Variants in PTPRD observed in about 807,000 individuals in gnomAD.
The protein encoded by PTPRD is receptor-type tyrosine-protein phosphatase delta.
PTPRD carries 34 observed loss-of-function variants against 214.5 expected under a neutral mutation model. The observed-to-expected ratio is 0.16, with a 90% CI of 0.12 to 0.21. The LOEUF is 0.21. PTPRD is among the 10% of genes least tolerant of loss of function. The pLI is 1.00. For synonymous variants in PTPRD, 1,128 were observed against 845.7 expected (o/e 1.33, Z -5.79); for missense variants, 2,545 against 2,398.7 (o/e 1.06, Z -1.27).
chr9:9,985,167 G>A (rs192553934), intron 4 of PTPRD, among the ~76,000 whole-genome samples: 2 of 152,220 alleles, frequency 1.3e-5, no homozygotes, highest in South Asian at 2.1e-4. Context: ...TTACAACTAC[G>A]TCTTCTCCAA....
chr9:8,707,759 A>G (rs186719139), intron 12 of PTPRD, among the ~76,000 whole-genome samples: 1 of 152,332 alleles, frequency 6.6e-6, no homozygotes, highest in East Asian at 1.9e-4. Flanking sequence ...ATAATCTATT[A>G]TTGTCTACAA....
At chr9:10,405,493 A>G (rs1278014049) in intron 2 of PTPRD, among the ~76,000 whole-genome samples, 3 of 149,418 alleles carry the variant, frequency 2.0e-5, no homozygotes, top group Non-Finnish European at 4.5e-5. Flanking sequence ...CCACAGTACA[A>G]CATATATAGA....
chr9:8,677,296 A>G (rs1237708046), intron 12 of PTPRD, among the ~76,000 whole-genome samples: 1 of 152,208 alleles, frequency 6.6e-6, no homozygotes, highest in African/African-American at 2.4e-5. Flanking sequence ...TAGACAGGAT[A>G]AATACACTGT....
chr9:9,565,674 T>C (rs1483759162), intron 8 of PTPRD, among the ~76,000 whole-genome samples: 1 of 152,004 alleles, frequency 6.6e-6, no homozygotes, highest in African/African-American at 2.4e-5. Context: ...TAAATCATTT[T>C]TACATTTTTT....
chr9:9,680,855 G>A (rs1289524812), intron 7 of PTPRD, among the ~76,000 whole-genome samples: 1 of 151,764 alleles, frequency 6.6e-6, no homozygotes, highest in Non-Finnish European at 1.5e-5. Flanking sequence ...TGGGTGAGCT[G>A]AAGGAGCACA....
At chr9:9,958,143 A>G (rs1448573260) in intron 4 of PTPRD, among the ~76,000 whole-genome samples, 2 of 152,218 alleles carry the variant, frequency 1.3e-5, no homozygotes, top group Admixed American at 1.3e-4. Context: ...CACAGGAGAA[A>G]ATATAAGTGA....
At chr9:10,007,003 C>T (rs1047842426) in intron 4 of PTPRD, among the ~76,000 whole-genome samples, 1 of 151,692 alleles carries the variant, frequency 6.6e-6, no homozygotes, top group Non-Finnish European at 1.5e-5. Flanking sequence ...GTAACAAATC[C>T]CCATGATATA....
intron 4 of PTPRD, among the ~76,000 whole-genome samples, chr9:10,029,853 G>A (rs561914696): frequency 9.9e-5 from 15 of 152,100 alleles, no homozygotes; most frequent in Admixed American, 2.6e-4. Flanking sequence ...GAGGGGCCAG[G>A]GACAGAAAGA....
intron 11 of PTPRD, among the ~76,000 whole-genome samples, chr9:9,008,870 G>T (rs1252161128): frequency 1.3e-5 from 2 of 152,064 alleles, no homozygotes; most frequent in Non-Finnish European, 2.9e-5. Flanking sequence ...AATTAAGGAA[G>T]CATGTCAGGT....
At chr9:10,520,223 C>T (rs1035313355) in intron 2 of PTPRD, among the ~76,000 whole-genome samples, 1 of 152,092 alleles carries the variant, frequency 6.6e-6, no homozygotes, top group Non-Finnish European at 1.5e-5. Context: ...AGTGAACACA[C>T]GGATAATAAG....
At chr9:9,730,542 T>TATA (rs2098170413) in intron 7 of PTPRD, among the ~76,000 whole-genome samples, 1 of 152,140 alleles carries the variant, frequency 6.6e-6, no homozygotes. Flanking sequence ...AATAACTATA[T>TATA]AAGTACAAAA....
intron 14 of PTPRD, among the ~76,000 whole-genome samples, chr9:8,628,192 C>T (rs573867310): frequency 6.6e-6 from 1 of 151,888 alleles, no homozygotes; most frequent in South Asian, 2.1e-4. Context: ...ACCATTTTCA[C>T]AGCGGGGACA....
chr9:8,494,480 G>A (rs2097216799), intron 26 of PTPRD, among the ~76,000 whole-genome samples: 1 of 152,130 alleles, frequency 6.6e-6, no homozygotes. Flanking sequence ...TTAAATGACA[G>A]CAGACACACT....
intron 7 of PTPRD, among the ~76,000 whole-genome samples, chr9:9,676,100 T>A (rs1429584423): frequency 2.0e-5 from 3 of 152,096 alleles, no homozygotes; most frequent in Non-Finnish European, 4.4e-5. Context: ...GAATTTTGTG[T>A]AATCCAGTTT....
intron 5 of PTPRD, among the ~76,000 whole-genome samples, chr9:9,768,760 G>C (rs2098727206): frequency 6.6e-6 from 1 of 152,190 alleles, no homozygotes; most frequent in Non-Finnish European, 1.5e-5. Flanking sequence ...GAAAACAAAA[G>C]TATGGGGTAA....
chr9:8,974,073 T>G (rs1451796264), intron 11 of PTPRD, among the ~76,000 whole-genome samples: 1 of 152,140 alleles, frequency 6.6e-6, no homozygotes, highest in African/African-American at 2.4e-5. Context: ...TTGCCAACTT[T>G]TGTTTTTGTT....
rs539600445 is a variant in PTPRD at position 10,307,184 on chromosome 9, A to C, written c.-545+33779T>G. The stretch of plus-strand genomic sequence containing the variant: ...GCACTTATTCCTTCTATCGAAATGT[A>C]TGTTTTTACCAATTAAATAACCTGT... On this transcript the variant is annotated intron_variant, in intron 3 of 45. Coordinates refer to ENST00000381196, the MANE Select transcript of PTPRD (RefSeq NM_002839.4). Among the ~76,000 whole-genome samples, 11 of 143,992 alleles carry C rather than the reference A, an allele frequency of 7.6e-5. No individual in the cohort carries two copies. The South Asian group carries it at 2.2e-3, about 28-fold the overall frequency. The allele number at this position is 143,992 out of a possible 152,430, so 94.5% of individuals were successfully genotyped here. A position where few individuals can be genotyped will look rare whatever the true frequency, so the allele number is the denominator to read the frequency against.
chr9:10,392,272 G>T (rs1400448332), intron 2 of PTPRD, among the ~76,000 whole-genome samples: 1 of 151,860 alleles, frequency 6.6e-6, no homozygotes, highest in East Asian at 1.9e-4. Context: ...ATGAGGATCA[G>T]GTTGATTCTA....
chr9:8,478,165 C>A (rs566695129), intron 30 of PTPRD, among the ~76,000 whole-genome samples: 10 of 152,298 alleles, frequency 6.6e-5, no homozygotes, highest in Non-Finnish European at 1.2e-4. Context: ...ACCTACCTCA[C>A]AGGGTTATTG....
Sources: allele counts gnomAD v4.1 joint callset (sites outside exome capture counted in the v4.1 genomes callset), GRCh38; gene constraint gnomAD v4.1.1; transcripts MANE v1.5; gene names NCBI Gene and HGNC (gene_info 2026-07-23, HGNC 2026-07-21).